PLEKHA6: variants seen among roughly 807,000 people sequenced by gnomAD.
The protein encoded by PLEKHA6 is pleckstrin homology domain-containing family A member 6.
In PLEKHA6, 60 loss-of-function variants were observed where a neutral mutation model predicts 116.7. The ratio of observed to expected loss-of-function variants is 0.51; its 90% CI spans 0.42 to 0.64. The LOEUF (loss-of-function observed/expected upper bound fraction) is 0.64. Among genes scored for constraint, PLEKHA6 ranks in the 30% least tolerant of loss-of-function variants. PLEKHA6 has a pLI of 0.00. For synonymous variants in PLEKHA6, 489 were observed against 556.1 expected, an observed-to-expected ratio of 0.88 and a Z score of 1.70; for missense variants, 1,338 against 1,422.7, an observed-to-expected ratio of 0.94 and a Z score of 0.96.
At chr1:204,312,772 C>A (rs1488276497) in intron 1 of PLEKHA6, among the ~76,000 whole-genome samples, 7 of 152,212 alleles carry the variant, frequency 4.6e-5, no homozygotes, top group Admixed American at 4.6e-4. Flanking sequence ...GAGTCATCAG[C>A]AGAAATCAGT....
chr1:204,259,045 C>T lies in PLEKHA6; in HGVS notation c.1007+213G>A, dbSNP rs1665737735. ...CTTCTGAAGGAAGCAGACAAAGAAA[C>T]CAAGAATCAGGGACAGCAGCCAGAC... On this transcript the variant is annotated intron_variant, in intron 8 of 22. Transcript: ENST00000272203. The surrounding 1 kb of genome is among the most constrained non-coding windows in gnomAD (Gnocchi z 4.6). Among the ~76,000 whole-genome samples, 1 of 152,218 alleles carries T rather than the reference C, an allele frequency of 6.6e-6. No individual in the cohort carries two copies. Among genetic ancestry groups the T allele is most frequent in the African/African-American group, 2.4e-5 (1 of 41,450 alleles).
At chr1:204,233,167 CTTTCTTTTTT>C (rs1661432551) in intron 17 of PLEKHA6, among the ~76,000 whole-genome samples, 1 of 139,816 alleles carries the variant, frequency 7.2e-6, no homozygotes. Flanking sequence ...TTTATTCTTT[CTTTCTTTTTT>C]TTTCTTTTTC....
At chr1:204,289,941 A>G (rs190929022) in intron 1 of PLEKHA6, among the ~76,000 whole-genome samples, 50 of 152,334 alleles carry the variant, frequency 3.3e-4, no homozygotes, top group African/African-American at 1.2e-3. Context: ...ATTTTAAAAC[A>G]CCATTTATAA....
At position 204,244,283 on chromosome 1, in the gene PLEKHA6, C is replaced by G. The variant is rs186964796; in HGVS notation, c.2172+581G>C. On this transcript the variant is annotated intron_variant, in intron 15 of 22. Coordinates refer to ENST00000272203, the MANE Select transcript of PLEKHA6 (RefSeq NM_014935.5). Reference sequence around the variant, plus strand: ...AGTAGCTGGGACTACAGGCGCGCGCCACCACGCTCAGCTAATTTTTGTATT... The same window carrying G: ...AGTAGCTGGGACTACAGGCGCGCGCGACCACGCTCAGCTAATTTTTGTATT... 8.4e-4 allele frequency among the ~76,000 whole-genome samples: 127 copies of G among 151,372 alleles called. 2 individuals carry two copies. The East Asian group carries it at 0.021, about 25-fold the overall frequency.
chr1:204,236,945 A>G (rs922595308), intron 17 of PLEKHA6, among the ~76,000 whole-genome samples: 1 of 152,194 alleles, frequency 6.6e-6, no homozygotes, highest in African/African-American at 2.4e-5. Flanking sequence ...ATTACCAACA[A>G]TTTATGCAGT....
chr1:204,270,246 C>A (rs1023545050), intron 3 of PLEKHA6, among the ~76,000 whole-genome samples: 4 of 152,132 alleles, frequency 2.6e-5, no homozygotes, highest in African/African-American at 7.2e-5. Flanking sequence ...GTTGGTGGGC[C>A]GCAATCACAC....
intron 13 of PLEKHA6, among the ~76,000 whole-genome samples, chr1:204,246,831 T>C (rs1663756733): frequency 6.6e-6 from 1 of 152,212 alleles, no homozygotes; most frequent in African/African-American, 2.4e-5. Flanking sequence ...GTTATTTATA[T>C]TTACACGTCT....
At chr1:204,323,133 C>T (rs1202794593) in intron 1 of PLEKHA6, among the ~76,000 whole-genome samples, 1 of 152,244 alleles carries the variant, frequency 6.6e-6, no homozygotes, top group Non-Finnish European at 1.5e-5. Flanking sequence ...CTATGTGCCA[C>T]AGCACACTGT....
chr1:204,287,545 G>A (rs1669321787), intron 1 of PLEKHA6, among the ~76,000 whole-genome samples: 1 of 152,128 alleles, frequency 6.6e-6, no homozygotes, highest in African/African-American at 2.4e-5. Flanking sequence ...TTCTTAATGA[G>A]TGAAGAGTTC....
intron 1 of PLEKHA6, among the ~76,000 whole-genome samples, chr1:204,326,262 C>A (rs1204186865): frequency 6.6e-6 from 1 of 152,236 alleles, no homozygotes; most frequent in African/African-American, 2.4e-5. Flanking sequence ...CAGCTCCTCT[C>A]TCCCTTAGAC....
chr1:204,279,715 AGTGC>A (rs1253619948), intron 1 of PLEKHA6, among the ~76,000 whole-genome samples: 3 of 152,206 alleles, frequency 2.0e-5, no homozygotes, highest in African/African-American at 7.2e-5. Flanking sequence ...CCCTGATGGC[AGTGC>A]CATCAGTGGA....
intron 22 of PLEKHA6, 138 bp from the exon 23 acceptor site, chr1:204,222,917 A>C (rs1313416314): frequency 1.3e-5 from 2 of 156,894 alleles, no homozygotes; most frequent in Non-Finnish European, 2.8e-5. Flanking sequence ...CTGAGAGGGG[A>C]ACAAAGGAAA....
intron 2 of PLEKHA6, 92 bp from the exon 3 acceptor site, chr1:204,273,832 T>G: frequency 1.2e-6 from 1 of 848,440 alleles, no homozygotes; most frequent in East Asian, 2.6e-5. Flanking sequence ...CCACCCACTG[T>G]TTCAGCATCA....
intron 9 of PLEKHA6, among the ~76,000 whole-genome samples, chr1:204,252,819 A>G (rs371069413): frequency 6.6e-6 from 1 of 152,104 alleles, no homozygotes; most frequent in African/African-American, 2.4e-5. Context: ...TGATTTTTCT[A>G]CCTCTTTAGC....
At chr1:204,344,512 A>C (rs1226918488) in intron 1 of PLEKHA6, among the ~76,000 whole-genome samples, 3 of 151,100 alleles carry the variant, frequency 2.0e-5, no homozygotes, top group Non-Finnish European at 4.4e-5. Flanking sequence ...AGGCAGGAGA[A>C]TTGCTTGAAC....
rs73075559 is a variant in PLEKHA6, at chr1:204,267,829, T to G, written c.208-282A>C. 5.2e-3 allele frequency among the ~76,000 whole-genome samples: 796 copies of G among 152,168 alleles called. 2 individuals are homozygous for G. The highest frequency in any genetic ancestry group is 0.014 in the Middle Eastern group (4 of 294). On this transcript the variant is annotated intron_variant, in intron 4 of 22. Transcript: ENST00000272203. ...GAGTGAGTGGAAGGGCAGGCAGGGA[T>G]AGTGGCAAGGCCAATCTGGTGCCAA... is the stretch of plus-strand genomic sequence containing the variant.
chr1:204,317,365 T>C (rs1671898526), intron 1 of PLEKHA6: 1 of 182,518 alleles, frequency 5.5e-6, no homozygotes, highest in African/African-American at 2.4e-5. Flanking sequence ...GCCAGGCCTC[T>C]TCGGAGAGTT....
chr1:204,315,108 G>A (rs1017616772), intron 1 of PLEKHA6, among the ~76,000 whole-genome samples: 5 of 152,216 alleles, frequency 3.3e-5, no homozygotes, highest in African/African-American at 1.2e-4. Flanking sequence ...ATTACAGCAG[G>A]AATGGTTTAG....
At chr1:204,258,502 A>G (rs565652276) in intron 8 of PLEKHA6, among the ~76,000 whole-genome samples, 26 of 152,348 alleles carry the variant, frequency 1.7e-4, no homozygotes, top group African/African-American at 5.8e-4. Context: ...GGTTCTCCCC[A>G]GAGCAGGCCT....
Sources: gnomAD v4.1 joint callset for allele counts (sites outside exome capture counted in the v4.1 genomes callset) on GRCh38, gnomAD v4.1.1 for gene constraint, Gnocchi (gnomAD v3.1) non-coding constraint, MANE v1.5 for transcripts, NCBI Gene and HGNC (gene_info 2026-07-23, HGNC 2026-07-21) for gene names.